The following PDE1A variants were observed in gnomAD, a reference collection of about 807,000 sequenced individuals.
PDE1A encodes the protein dual specificity calcium/calmodulin-dependent 3',5'-cyclic nucleotide phosphodiesterase 1A.
In PDE1A, 35 loss-of-function variants were observed where a neutral mutation model predicts 61.7. The observed-to-expected ratio is 0.57, with a 90% CI of 0.43 to 0.75. The LOEUF (loss-of-function observed/expected upper bound fraction) is 0.75, where lower values mean the gene tolerates loss of function less well. Among genes scored for constraint, PDE1A ranks in the 30% least tolerant of loss-of-function variants. PDE1A has a pLI of 0.00. For synonymous variants in PDE1A, 232 were observed against 213.2 expected (o/e 1.09, Z -0.77); for missense variants, 597 against 630.6 (o/e 0.95, Z 0.57).
intron 1 of PDE1A, among the ~76,000 whole-genome samples, chr2:182,346,849 G>A (rs536947909): frequency 3.9e-5 from 6 of 152,190 alleles, no homozygotes; most frequent in Non-Finnish European, 7.4e-5. Context: ...ACAGAGCCAG[G>A]ATTTGAGCTC....
chr2:182,431,139 A>AACAC (rs1703930162), upstream of PDE1A, among the ~76,000 whole-genome samples: 1 of 148,528 alleles, frequency 6.7e-6, no homozygotes, highest in Non-Finnish European at 1.5e-5. Context: ...AAAAAAAAAA[A>AACAC]AACACAACAC....
chr2:182,648,094 A>G, the PDE1A span, among the ~76,000 whole-genome samples: 1 of 152,196 alleles, frequency 6.6e-6, no homozygotes, highest in South Asian at 2.1e-4. Flanking sequence ...AAACCATGGT[A>G]TATTGGAAAA....
intron 1 of PDE1A, among the ~76,000 whole-genome samples, chr2:182,289,849 A>C (rs1047969240): frequency 6.6e-6 from 1 of 152,110 alleles, no homozygotes; most frequent in East Asian, 1.9e-4. Context: ...TGATTTTCAA[A>C]AATTATAAAA....
At chr2:182,563,667 C>G in the PDE1A span, among the ~76,000 whole-genome samples, 1 of 152,192 alleles carries the variant, frequency 6.6e-6, no homozygotes, top group South Asian at 2.1e-4. Flanking sequence ...GTTAAAGTCT[C>G]CCATTATTAT....
chr2:182,222,701 T>C (rs1296486564), intron 7 of PDE1A, among the ~76,000 whole-genome samples: 1 of 151,522 alleles, frequency 6.6e-6, no homozygotes, highest in East Asian at 1.9e-4. Flanking sequence ...TCTGTGAATC[T>C]AAAACTGCTC....
the PDE1A span, among the ~76,000 whole-genome samples, chr2:182,611,843 G>A: frequency 3.9e-5 from 6 of 152,070 alleles, no homozygotes; most frequent in East Asian, 9.6e-4. Flanking sequence ...ACTGATGACC[G>A]GCTTTAAATA....
chr2:182,227,292 G>A (rs1689218149), intron 6 of PDE1A, among the ~76,000 whole-genome samples: 2 of 152,060 alleles, frequency 1.3e-5, no homozygotes, highest in African/African-American at 4.8e-5. Context: ...AATTACTCAG[G>A]ATGTGTGAGT....
the PDE1A span, among the ~76,000 whole-genome samples, chr2:182,712,974 T>C: frequency 1.3e-5 from 2 of 152,162 alleles, no homozygotes; most frequent in Non-Finnish European, 2.9e-5. Context: ...CTACATCTTG[T>C]CCCTGTCTGC....
intron 2 of PDE1A, among the ~76,000 whole-genome samples, chr2:182,441,002 G>A (rs181666739): frequency 9.5e-4 from 145 of 152,102 alleles, no homozygotes; most frequent in Admixed American, 1.5e-3. Flanking sequence ...CTTAGACTGG[G>A]TAATTTATAA....
the PDE1A span, among the ~76,000 whole-genome samples, chr2:182,626,832 TATATAC>T: frequency 3.1e-5 from 1 of 31,904 alleles, no homozygotes; most frequent in Non-Finnish European, 5.8e-5. Context: ...TATACATATA[TATATAC>T]ATATATATAC....
chr2:182,469,611 TC>T (rs1686897362), intron 2 of PDE1A, among the ~76,000 whole-genome samples: 1 of 151,986 alleles, frequency 6.6e-6, no homozygotes, highest in African/African-American at 2.4e-5. Flanking sequence ...CTTTTAATTT[TC>T]ATCAATACTT....
At chr2:182,553,910 A>G in the PDE1A span, among the ~76,000 whole-genome samples, 1 of 152,228 alleles carries the variant, frequency 6.6e-6, no homozygotes, top group East Asian at 1.9e-4. Flanking sequence ...GTGCATGCCG[A>G]AAAGTATCAG....
chr2:182,277,276 C>G (rs896747647), intron 1 of PDE1A, among the ~76,000 whole-genome samples: 1 of 151,992 alleles, frequency 6.6e-6, no homozygotes, highest in Admixed American at 6.6e-5. Flanking sequence ...TGATGTCACC[C>G]CTGGAGTCCC....
At chr2:182,627,278 A>G in the PDE1A span, among the ~76,000 whole-genome samples, 1 of 104,100 alleles carries the variant, frequency 9.6e-6, no homozygotes, top group African/African-American at 4.0e-5. Flanking sequence ...TAAATAATAT[A>G]TAAAATATAA....
Position 182,178,806 on chromosome 2 carries a change from G to A in PDE1A, c.1516+7086C>T, listed in dbSNP as rs562651540. 3.4e-4 allele frequency among the ~76,000 whole-genome samples: 51 copies of A among 152,188 alleles called. 2 individuals carry two copies. The South Asian group carries it at 8.9e-3, about 27-fold the overall frequency. On this transcript the variant is annotated intron_variant, in intron 13 of 13. Coordinates refer to ENST00000351439, the Ensembl canonical transcript of PDE1A. ...GTACAATGAGAAGGAGAAGAAAAGA[G>A]AGCAAGCAAGCTGTGGCAAGCAAAG... is the stretch of plus-strand genomic sequence containing the variant.
chr2:182,349,127 T>C (rs1698703266), intron 1 of PDE1A, among the ~76,000 whole-genome samples: 1 of 152,198 alleles, frequency 6.6e-6, no homozygotes, highest in South Asian at 2.1e-4. Context: ...CTGCTAAGTT[T>C]ATTTAGTTAG....
At chr2:182,149,984 A>C (rs937614845) in intron 13 of PDE1A, among the ~76,000 whole-genome samples, 29 of 152,174 alleles carry the variant, frequency 1.9e-4, no homozygotes, top group Non-Finnish European at 1.0e-4. Flanking sequence ...GTGATGTGCT[A>C]TAGTGTTATA....
rs772041463 is a variant in PDE1A, at chr2:182,185,581, G to A, written c.1516+311C>T. ...AATCCAGGCTGGAAAGCACCTCTAC[G>A]AAAGCACAGGAGTTTATATGGTACC... On this transcript the variant is annotated intron_variant, in intron 13 of 13. Coordinates refer to ENST00000351439, the Ensembl canonical transcript of PDE1A. Among the ~76,000 whole-genome samples, 8 of 152,300 alleles carry A rather than the reference G, an allele frequency of 5.3e-5. No individual in the cohort carries two copies. The South Asian group carries it at 8.3e-4, about 16-fold the overall frequency.
At chr2:182,562,121 C>T in the PDE1A span, among the ~76,000 whole-genome samples, 2 of 151,730 alleles carry the variant, frequency 1.3e-5, no homozygotes, top group African/African-American at 4.8e-5. Flanking sequence ...GAGAGGGCAT[C>T]CCTGTCTTGT....
Sources: gnomAD v4.1 joint callset for allele counts (sites outside exome capture counted in the v4.1 genomes callset) on GRCh38, gnomAD v4.1.1 for gene constraint, MANE v1.5 for transcripts, NCBI Gene and HGNC (gene_info 2026-07-23, HGNC 2026-07-21) for gene names.